Variants in CSMD1 observed in about 807,000 individuals in gnomAD.
CSMD1 encodes the protein CUB and sushi domain-containing protein 1.
CSMD1 carries 213 observed loss-of-function variants against 417.5 expected under a neutral mutation model. The observed-to-expected ratio is 0.51, with a 90% CI of 0.46 to 0.57. The LOEUF is 0.57. Among genes scored for constraint, CSMD1 ranks in the 20% least tolerant of loss-of-function variants. CSMD1 has a pLI of 0.00. For missense variants in CSMD1, 6,923 were observed against 4,529.7 expected, an observed-to-expected ratio of 1.53 and a Z score of -15.17; for synonymous variants, 2,862 against 1,736.8, an observed-to-expected ratio of 1.65 and a Z score of -16.11.
At chr8:4,088,984 C>A (rs1264660527) in intron 3 of CSMD1, among the ~76,000 whole-genome samples, 1 of 151,890 alleles carries the variant, frequency 6.6e-6, no homozygotes, top group Non-Finnish European at 1.5e-5. Flanking sequence ...TTCTGTGCTC[C>A]CTTGGTGCAT....
At chr8:4,856,651 G>C (rs955182791) in intron 1 of CSMD1, among the ~76,000 whole-genome samples, 11 of 147,720 alleles carry the variant, frequency 7.4e-5, no homozygotes, top group African/African-American at 2.8e-4. Flanking sequence ...AACCAACAAA[G>C]ATCAAAAGAG....
intron 3 of CSMD1, among the ~76,000 whole-genome samples, chr8:4,341,951 C>A (rs1015390462): frequency 3.3e-5 from 5 of 152,110 alleles, no homozygotes; most frequent in African/African-American, 9.7e-5. Flanking sequence ...AATGGACTGA[C>A]ACATATTACC....
At chr8:3,100,492 A>G (rs1815658120) in intron 46 of CSMD1, among the ~76,000 whole-genome samples, 1 of 152,224 alleles carries the variant, frequency 6.6e-6, no homozygotes, top group African/African-American at 2.4e-5. Context: ...GTGCGGTCCT[A>G]TAGCTGAGAT....
At chr8:4,920,116 A>T (rs1354998851) in intron 1 of CSMD1, among the ~76,000 whole-genome samples, 1 of 152,230 alleles carries the variant, frequency 6.6e-6, no homozygotes, top group Non-Finnish European at 1.5e-5. Flanking sequence ...CAATCAAGGT[A>T]GGTTATCATG....
intron 8 of CSMD1, among the ~76,000 whole-genome samples, chr8:3,604,489 T>G (rs1032151972): frequency 6.6e-6 from 1 of 152,070 alleles, no homozygotes; most frequent in African/African-American, 2.4e-5. Flanking sequence ...ATCATAGAAA[T>G]GAAGACGTGC....
intron 5 of CSMD1, among the ~76,000 whole-genome samples, chr8:3,939,770 G>A (rs1810752218): frequency 6.6e-6 from 1 of 152,098 alleles, no homozygotes; most frequent in Admixed American, 6.6e-5. Flanking sequence ...CTCAGAAATG[G>A]AAAAACAAAC....
At chr8:4,706,244 C>A (rs1027785016) in intron 1 of CSMD1, among the ~76,000 whole-genome samples, 5 of 151,812 alleles carry the variant, frequency 3.3e-5, no homozygotes, top group African/African-American at 1.2e-4. Flanking sequence ...GAAAGTCCCA[C>A]AACATATCTG....
intron 7 of CSMD1, among the ~76,000 whole-genome samples, chr8:3,684,204 ATT>A (rs1334629465): frequency 1.4e-3 from 10 of 7,342 alleles, no homozygotes; most frequent in African/African-American, 0.013. Flanking sequence ...ATAACATGTA[ATT>A]ATATATAATA....
At chr8:4,089,196 C>A (rs926677713) in intron 3 of CSMD1, among the ~76,000 whole-genome samples, 3 of 152,166 alleles carry the variant, frequency 2.0e-5, no homozygotes, top group African/African-American at 7.2e-5. Flanking sequence ...GTTTGGCTGC[C>A]TGCCTTTTGT....
At chr8:3,610,476 A>AGTGAGCTATGATCGTACGACT (rs71203454) in intron 8 of CSMD1, among the ~76,000 whole-genome samples, 1 of 151,860 alleles carries the variant, frequency 6.6e-6, no homozygotes, top group Non-Finnish European at 1.5e-5. Flanking sequence ...TCGAGATTAC[A>AGTGAGCTATGATCGTACGACT]GTACTCCAGG....
intron 45 of CSMD1, among the ~76,000 whole-genome samples, chr8:3,107,334 G>T (rs749695461): frequency 6.6e-6 from 1 of 152,038 alleles, no homozygotes; most frequent in Non-Finnish European, 1.5e-5. Context: ...CCTTTCAGCC[G>T]CAAATGATTC....
chr8:3,969,681 T>G (rs942357772), intron 5 of CSMD1, among the ~76,000 whole-genome samples: 7 of 152,342 alleles, frequency 4.6e-5, no homozygotes, highest in Admixed American at 4.6e-4. Context: ...TTGATGTCAG[T>G]AGTGGACATG....
intron 8 of CSMD1, among the ~76,000 whole-genome samples, chr8:3,606,876 A>C (rs1220347299): frequency 6.6e-6 from 1 of 151,760 alleles, no homozygotes; most frequent in Non-Finnish European, 1.5e-5. Context: ...ACGCCCGGCA[A>C]ATTTTTTTGT....
At chr8:4,830,151 T>C (rs1800067465) in intron 1 of CSMD1, among the ~76,000 whole-genome samples, 1 of 152,152 alleles carries the variant, frequency 6.6e-6, no homozygotes, top group African/African-American at 2.4e-5. Flanking sequence ...TCCTGAGAAA[T>C]CTGACAGTAC....
chr8:4,938,935 T>G (rs541445745), intron 1 of CSMD1, among the ~76,000 whole-genome samples: 1 of 147,420 alleles, frequency 6.8e-6, no homozygotes, highest in East Asian at 2.1e-4. Context: ...AACTTTTGTG[T>G]GTCTTCTTTG....
chr8:3,864,755 A>G (rs1804966189), intron 5 of CSMD1, among the ~76,000 whole-genome samples: 1 of 152,166 alleles, frequency 6.6e-6, no homozygotes, highest in African/African-American at 2.4e-5. Context: ...AAATTAAACT[A>G]TAGGCACCAT....
chr8:4,435,143 A>T (rs1317772369), intron 2 of CSMD1, among the ~76,000 whole-genome samples: 2 of 152,194 alleles, frequency 1.3e-5, no homozygotes, highest in Non-Finnish European at 2.9e-5. Flanking sequence ...AGTATCAGTA[A>T]TATATTATTT....
chr8:4,075,103 C>A (rs1218683805), intron 3 of CSMD1, among the ~76,000 whole-genome samples: 2 of 152,076 alleles, frequency 1.3e-5, no homozygotes, highest in East Asian at 1.9e-4. Flanking sequence ...AGACAAAGAA[C>A]AAAGTTGAAT....
intron 5 of CSMD1, among the ~76,000 whole-genome samples, chr8:3,859,275 T>G (rs1052439156): frequency 5.3e-5 from 8 of 152,248 alleles, no homozygotes; most frequent in African/African-American, 1.7e-4. Context: ...TGAGTCTTTC[T>G]AGTTTTCCTT....
Sources: gnomAD v4.1 joint callset for allele counts (sites outside exome capture counted in the v4.1 genomes callset) on GRCh38, gnomAD v4.1.1 for gene constraint, MANE v1.5 for transcripts, NCBI Gene and HGNC (gene_info 2026-07-23, HGNC 2026-07-21) for gene names.